CAMK1D: variants seen among roughly 807,000 people sequenced by gnomAD.
The protein encoded by CAMK1D is calcium/calmodulin-dependent protein kinase type 1D.
A neutral mutation model predicts 47.7 loss-of-function variants in CAMK1D; 9 were observed. The ratio of observed to expected loss-of-function variants is 0.19; its 90% confidence interval spans 0.11 to 0.33. CAMK1D has a LOEUF of 0.33. Among genes scored for constraint, CAMK1D ranks in the 10% least tolerant of loss-of-function variants. The pLI, the probability that CAMK1D is intolerant of heterozygous loss-of-function variation, is 1.00. For missense variants in CAMK1D, 291 were observed against 488.7 expected, an observed-to-expected ratio of 0.60 and a Z score of 3.81; for synonymous variants, 184 against 184.9, an observed-to-expected ratio of 0.99 and a Z score of 0.04.
chr10:12,591,387 C>T lies in CAMK1D; in HGVS notation c.224+38031C>T, dbSNP rs117139456. On this transcript the variant is annotated intron_variant, in intron 2 of 10. Coordinates refer to ENST00000619168, the MANE Select transcript of CAMK1D (RefSeq NM_153498.4). ...AAATATGCTCCCGTAACCGATCACC[C>T]GGATGGGCTGCTTTTGTTATCCCCC... Among the ~76,000 whole-genome samples the T allele has an allele frequency of 2.8e-3, 427 of 152,356 alleles. 4 individuals are homozygous for T. The East Asian group carries it at 0.044, about 16-fold the overall frequency.
At chr10:12,796,333 G>A (rs1330102097) in intron 6 of CAMK1D, among the ~76,000 whole-genome samples, 1 of 152,110 alleles carries the variant, frequency 6.6e-6, no homozygotes, top group Non-Finnish European at 1.5e-5. Flanking sequence ...TAGGCAAAAC[G>A]CTGATGGTAC....
intron 1 of CAMK1D, among the ~76,000 whole-genome samples, chr10:12,503,373 C>T (rs1375646288): frequency 2.0e-5 from 3 of 151,680 alleles, no homozygotes; most frequent in Non-Finnish European, 4.4e-5. Context: ...CTCCTGGGTA[C>T]CAGGTTTACA....
intron 1 of CAMK1D, among the ~76,000 whole-genome samples, chr10:12,466,366 C>T (rs573478765): frequency 1.3e-5 from 2 of 152,240 alleles, no homozygotes; most frequent in South Asian, 2.1e-4. Context: ...CGAGATCGCA[C>T]CACTGCACTC....
intron 3 of CAMK1D, among the ~76,000 whole-genome samples, chr10:12,675,698 C>T (rs1472266703): frequency 6.6e-6 from 1 of 152,186 alleles, no homozygotes; most frequent in Non-Finnish European, 1.5e-5. Flanking sequence ...CTTATCACGC[C>T]TTTGTTGAAA....
intron 3 of CAMK1D, among the ~76,000 whole-genome samples, chr10:12,705,250 C>T (rs1304431887): frequency 3.9e-5 from 6 of 152,126 alleles, no homozygotes; most frequent in Admixed American, 3.9e-4. Context: ...CACCTGAGGT[C>T]AGGAGTTTGA....
chr10:12,544,779 T>C (rs1042847544), intron 1 of CAMK1D, among the ~76,000 whole-genome samples: 8 of 152,096 alleles, frequency 5.3e-5, no homozygotes, highest in African/African-American at 1.9e-4. Context: ...GTTGAGTGGA[T>C]AGTACTAGTG....
intron 1 of CAMK1D, among the ~76,000 whole-genome samples, chr10:12,506,145 A>G (rs1230933587): frequency 6.6e-6 from 1 of 152,142 alleles, no homozygotes; most frequent in Non-Finnish European, 1.5e-5. Context: ...GAGGCTGGGC[A>G]TAGTGGCTCA....
intron 5 of CAMK1D, among the ~76,000 whole-genome samples, chr10:12,770,231 G>T (rs563404419): frequency 6.6e-6 from 1 of 152,334 alleles, no homozygotes; most frequent in East Asian, 1.9e-4. Context: ...ACCTGGTTCA[G>T]ACCTTGACCA....
Position 12,791,267 on chromosome 10 carries a change from T to C in CAMK1D, c.641+34T>C, listed in dbSNP as rs747106620. 12 of 1,590,218 alleles carry C rather than the reference T, an allele frequency of 7.5e-6. No individual in the cohort carries two copies. In the Admixed American group the frequency reaches 1.7e-4, roughly 23 times the overall value. On this transcript the variant is annotated intron_variant, in intron 6 of 10. Coordinates refer to ENST00000619168, the MANE Select transcript of CAMK1D (RefSeq NM_153498.4). ...TGCCTGCTGCCTTGGGTTCTTCCTC[T>C]ACCGGCCTTTTTTTGTTTGGTGAAA...
chr10:12,478,481 A>AT (rs35646262), intron 1 of CAMK1D, among the ~76,000 whole-genome samples: 3 of 148,260 alleles, frequency 2.0e-5, no homozygotes, highest in Non-Finnish European at 4.5e-5. Flanking sequence ...TTTTTTTTCT[A>AT]TTTTTTGTAG....
At chr10:12,584,573 A>G (rs745640629) in intron 2 of CAMK1D, among the ~76,000 whole-genome samples, 1 of 151,942 alleles carries the variant, frequency 6.6e-6, no homozygotes, top group Non-Finnish European at 1.5e-5. Flanking sequence ...TAATCCCAGC[A>G]CTTTGGGAGG....
At chr10:12,529,128 G>GT (rs1164341606) in intron 1 of CAMK1D, among the ~76,000 whole-genome samples, 1 of 152,154 alleles carries the variant, frequency 6.6e-6, no homozygotes, top group Non-Finnish European at 1.5e-5. Flanking sequence ...GTGAGCCACT[G>GT]TGCTTGCTCT....
chr10:12,659,417 T>C (rs1459994460), intron 2 of CAMK1D, among the ~76,000 whole-genome samples: 5 of 152,212 alleles, frequency 3.3e-5, no homozygotes, highest in Non-Finnish European at 5.9e-5. Context: ...ATCTGTGAGA[T>C]AGGAATAATA....
intron 3 of CAMK1D, among the ~76,000 whole-genome samples, chr10:12,717,333 C>A (rs2130773200): frequency 6.6e-6 from 1 of 152,248 alleles, no homozygotes; most frequent in Admixed American, 6.5e-5. Context: ...ATGAAAGCCA[C>A]CGGATAGTCC....
chr10:12,458,379 ATTCCT>A (rs1833320693), intron 1 of CAMK1D, among the ~76,000 whole-genome samples: 1 of 152,132 alleles, frequency 6.6e-6, no homozygotes, highest in Non-Finnish European at 1.5e-5. Flanking sequence ...GCTGATACAT[ATTCCT>A]ATGTGTTCAT....
intron 1 of CAMK1D, among the ~76,000 whole-genome samples, chr10:12,523,266 T>C (rs183007851): frequency 0.22 from 31,430 of 145,480 alleles, 3,541 homozygotes; most frequent in South Asian, 0.26. Context: ...CCAGACTGGG[T>C]GGCCGGGCAG....
intron 1 of CAMK1D, among the ~76,000 whole-genome samples, chr10:12,457,885 A>G (rs1020716021): frequency 3.3e-5 from 5 of 152,178 alleles, no homozygotes; most frequent in Non-Finnish European, 7.3e-5. Context: ...GTTATAATAA[A>G]ATGCTCTTCT....
chr10:12,803,409 G>T (rs1049603984), intron 6 of CAMK1D, among the ~76,000 whole-genome samples: 2 of 152,164 alleles, frequency 1.3e-5, no homozygotes, highest in African/African-American at 2.4e-5. Flanking sequence ...CCAAGGGTGG[G>T]TGTGGCTCAC....
At chr10:12,564,919 G>A (rs1837074782) in intron 2 of CAMK1D, among the ~76,000 whole-genome samples, 1 of 152,216 alleles carries the variant, frequency 6.6e-6, no homozygotes, top group East Asian at 1.9e-4. Context: ...TTGTAAATAT[G>A]TCTTGGAGGC....
Sources: gnomAD v4.1 joint callset for allele counts (sites outside exome capture counted in the v4.1 genomes callset) on GRCh38, gnomAD v4.1.1 for gene constraint, MANE v1.5 for transcripts, NCBI Gene and HGNC (gene_info 2026-07-23, HGNC 2026-07-21) for gene names.